PTPN13: variants seen among roughly 807,000 people sequenced by gnomAD.
PTPN13 encodes tyrosine-protein phosphatase non-receptor type 13.
PTPN13 carries 191 observed loss-of-function variants against 284.0 expected under a neutral mutation model. The observed-to-expected ratio is 0.67, with a 90% CI of 0.60 to 0.76. The LOEUF is 0.76. Among genes scored for constraint, PTPN13 ranks in the 30% least tolerant of loss-of-function variants. The probability of loss-of-function intolerance (pLI) is 0.00; values close to 1 mark genes in which losing one functional copy is unlikely to be tolerated. For missense variants in PTPN13, 2,797 were observed against 2,939.9 expected (o/e 0.95, Z 1.12); for synonymous variants, 986 against 1,022.3 (o/e 0.96, Z 0.68).
intron 7 of PTPN13, among the ~76,000 whole-genome samples, chr4:86,707,690 T>A (rs2149034896): frequency 6.6e-6 from 1 of 152,268 alleles, no homozygotes; most frequent in East Asian, 1.9e-4. Context: ...ATTTCTTTAC[T>A]TCCCTTTGAA....
At chr4:86,677,090 A>G (rs555978588) in intron 3 of PTPN13, among the ~76,000 whole-genome samples, 7 of 151,870 alleles carry the variant, frequency 4.6e-5, no homozygotes, top group African/African-American at 1.7e-4. Context: ...ACACGGTAAA[A>G]CCCTGTCTCT....
intron 40 of PTPN13, among the ~76,000 whole-genome samples, chr4:86,786,753 T>G (rs553395647): frequency 8.5e-5 from 13 of 152,266 alleles, no homozygotes; most frequent in African/African-American, 3.1e-4. Context: ...CCCCTTAAAA[T>G]GTATGTTGTA....
chr4:86,664,348 T>C (rs751786013), intron 2 of PTPN13, among the ~76,000 whole-genome samples: 2 of 152,196 alleles, frequency 1.3e-5, no homozygotes, highest in Non-Finnish European at 2.9e-5. Flanking sequence ...CAGTTTCTGG[T>C]ATCTGAAAGT....
intron 26 of PTPN13, among the ~76,000 whole-genome samples, chr4:86,766,048 G>A (rs756025542): frequency 1.3e-5 from 2 of 152,016 alleles, no homozygotes; most frequent in Non-Finnish European, 2.9e-5. Context: ...GGCTGGTCTC[G>A]AACTCCTGAC....
At chr4:86,716,876 CA>C in intron 8 of PTPN13, 147 bp from the exon 9 acceptor site, 2 of 634,636 alleles carry the variant, frequency 3.2e-6, no homozygotes, top group Non-Finnish European at 5.4e-6. Context: ...TGATTTACCT[CA>C]AAAGAGTTTA....
At chr4:86,703,243 G>C (rs1030233453) in intron 7 of PTPN13, among the ~76,000 whole-genome samples, 2 of 152,180 alleles carry the variant, frequency 1.3e-5, no homozygotes, top group Admixed American at 6.5e-5. Flanking sequence ...TAAAAATTTA[G>C]AAATTTATAT....
chr4:86,726,537 T>G (rs1345183497), intron 10 of PTPN13, among the ~76,000 whole-genome samples: 1 of 149,152 alleles, frequency 6.7e-6, no homozygotes, highest in Non-Finnish European at 1.5e-5. Flanking sequence ...TTTATATCCC[T>G]TGTAAGTTGA....
rs901219771 is a variant in PTPN13 at position 86,701,772 on chromosome 4, A to G, written c.1166A>G (p.Gln389Arg). ...ATCCGAGAGAGACAAAAGAAACTTC[A>G]GGTTCTGAGGGAAGCCATGAATGTA... The part of the protein sequence containing the change: ...DRIRERQKKL[Q>R]VLREAMNVEE... Residue 389 changes from glutamine (Q) to arginine (R), a missense_variant, in exon 7 of 48, where the codon CAG becomes CGG. Transcript: ENST00000411767. The G allele has an allele frequency of 1.2e-6, 2 of 1,612,414 alleles. No individual in the cohort carries two copies. The highest frequency in any genetic ancestry group is 1.7e-6 in the Non-Finnish European group (2 of 1,179,392).
At chr4:86,638,708 CCT>C (rs1440715168) in intron 2 of PTPN13, among the ~76,000 whole-genome samples, 1 of 152,062 alleles carries the variant, frequency 6.6e-6, no homozygotes, top group Admixed American at 6.6e-5. Flanking sequence ...AAACGTTAGA[CCT>C]AAAACCATAA....
intron 3 of PTPN13, among the ~76,000 whole-genome samples, chr4:86,685,310 A>G (rs1729331301): frequency 6.6e-6 from 1 of 152,136 alleles, no homozygotes; most frequent in African/African-American, 2.4e-5. Context: ...AAAACAAAAA[A>G]CAAAAAACTG....
intron 12 of PTPN13, among the ~76,000 whole-genome samples, chr4:86,733,538 A>G (rs1378632661): frequency 6.6e-6 from 1 of 152,054 alleles, no homozygotes; most frequent in Non-Finnish European, 1.5e-5. Flanking sequence ...TTCCCTCAAT[A>G]TAGCTTATTG....
chr4:86,809,697 G>GA (rs1333686761), intron 45 of PTPN13, 72 bp from the exon 46 acceptor site: 116 of 1,417,066 alleles, frequency 8.2e-5, no homozygotes, highest in Non-Finnish European at 1.0e-4. Context: ...TCTCAAGAAA[G>GA]AAAAAAAAGA....
At chr4:86,628,150 A>C (rs934848306) in intron 1 of PTPN13, among the ~76,000 whole-genome samples, 1 of 152,168 alleles carries the variant, frequency 6.6e-6, no homozygotes, top group Non-Finnish European at 1.5e-5. Context: ...AGTTTTCCAA[A>C]GTGTGCCATT....
chr4:86,639,827 A>AT (rs1017059765), intron 2 of PTPN13, among the ~76,000 whole-genome samples: 6 of 130,864 alleles, frequency 4.6e-5, no homozygotes, highest in African/African-American at 8.7e-5. Flanking sequence ...CTTAAAGTAT[A>AT]AAAAAAAAAA....
intron 31 of PTPN13, 139 bp from the exon 32 acceptor site, chr4:86,772,639 A>G: frequency 1.5e-6 from 1 of 645,276 alleles, no homozygotes; most frequent in Non-Finnish European, 2.6e-6. Flanking sequence ...TTCATAGTCC[A>G]GAGTCATACA....
At chr4:86,659,827 C>T (rs1013608246) in intron 2 of PTPN13, among the ~76,000 whole-genome samples, 2 of 151,050 alleles carry the variant, frequency 1.3e-5, no homozygotes, top group Non-Finnish European at 2.9e-5. Flanking sequence ...CAAACTACAA[C>T]CACAACAACA....
At chr4:86,642,594 A>C (rs963385651) in intron 2 of PTPN13, among the ~76,000 whole-genome samples, 3 of 151,278 alleles carry the variant, frequency 2.0e-5, no homozygotes, top group Non-Finnish European at 4.4e-5. Context: ...CTGGGATTAC[A>C]GGCATGTGCC....
At chr4:86,597,231 A>T (rs1763897733) in intron 1 of PTPN13, among the ~76,000 whole-genome samples, 1 of 150,950 alleles carries the variant, frequency 6.6e-6, no homozygotes, top group South Asian at 2.1e-4. Context: ...CAAATAACTT[A>T]GGAACTAAAT....
At chr4:86,601,113 AC>A (rs1355104115) in intron 1 of PTPN13, among the ~76,000 whole-genome samples, 3 of 152,036 alleles carry the variant, frequency 2.0e-5, no homozygotes, top group Non-Finnish European at 2.9e-5. Context: ...ATTTTCTAGT[AC>A]TCTATGAAAA....
Sources: allele counts gnomAD v4.1 joint callset (sites outside exome capture counted in the v4.1 genomes callset), GRCh38; gene constraint gnomAD v4.1.1; transcripts MANE v1.5; gene names NCBI Gene and HGNC (gene_info 2026-07-23, HGNC 2026-07-21).